Variants in ARID5B observed in about 807,000 individuals in gnomAD.
ARID5B encodes AT-rich interaction domain 5B, also known as AT-rich interactive domain-containing protein 5B.
ARID5B carries 13 observed loss-of-function variants against 97.2 expected under a neutral mutation model. That is an observed-to-expected ratio of 0.13 (90% CI 0.09 to 0.21). ARID5B has a LOEUF of 0.21. Ranked by LOEUF, ARID5B falls within the 10% of genes least tolerant of loss-of-function variation. The probability of loss-of-function intolerance (pLI) is 1.00; values close to 1 mark genes in which losing one functional copy is unlikely to be tolerated. For missense variants in ARID5B, 1,210 were observed against 1,465.3 expected (o/e 0.83, Z 2.84); for synonymous variants, 556 against 570.3 (o/e 0.97, Z 0.36).
At chr10:61,917,677 T>C (rs543298351) in intron 2 of ARID5B, among the ~76,000 whole-genome samples, 68 of 152,182 alleles carry the variant, frequency 4.5e-4, no homozygotes, top group Non-Finnish European at 4.9e-4. Flanking sequence ...CTATTACAGT[T>C]TTTAAAACTT....
At chr10:61,971,040 A>G (rs1838620132) in intron 3 of ARID5B, among the ~76,000 whole-genome samples, 1 of 151,980 alleles carries the variant, frequency 6.6e-6, no homozygotes, top group Non-Finnish European at 1.5e-5. Context: ...AAGAAAAGGG[A>G]AAAAGAGTAA....
chr10:61,952,385 C>T (rs577255635), intron 3 of ARID5B, among the ~76,000 whole-genome samples: 107 of 152,342 alleles, frequency 7.0e-4, no homozygotes, highest in Non-Finnish European at 1.4e-3. Flanking sequence ...CATTTAGTGT[C>T]TCTACCACCT....
chr10:62,047,931 T>TC (rs1839732429), intron 4 of ARID5B, among the ~76,000 whole-genome samples: 1 of 152,044 alleles, frequency 6.6e-6, no homozygotes, highest in Non-Finnish European at 1.5e-5. Flanking sequence ...TGTGTTCCAT[T>TC]CCCCCCACCC....
chr10:61,937,195 C>T (rs1844320648), intron 2 of ARID5B, among the ~76,000 whole-genome samples: 1 of 152,210 alleles, frequency 6.6e-6, no homozygotes, highest in South Asian at 2.1e-4. Flanking sequence ...GGGGATTTTA[C>T]ATCTTGTCTG....
At chr10:62,050,821 C>A (rs1839777845) in intron 4 of ARID5B, 67 bp from the exon 5 acceptor site, 2 of 1,329,686 alleles carry the variant, frequency 1.5e-6, no homozygotes, top group Non-Finnish European at 2.2e-6. Context: ...TAGTGAGATT[C>A]TGGGTCTTTA....
At chr10:61,902,846 G>T (rs1423955793) in intron 2 of ARID5B, among the ~76,000 whole-genome samples, 3 of 151,924 alleles carry the variant, frequency 2.0e-5, no homozygotes, top group Non-Finnish European at 2.9e-5. Context: ...TTTCGATATT[G>T]TTCTTTTTTC....
At chr10:62,022,065 T>C (rs67527161) in intron 4 of ARID5B, among the ~76,000 whole-genome samples, 29,977 of 151,538 alleles carry the variant, frequency 0.2, 3,094 homozygotes, top group Middle Eastern at 0.27. Context: ...ACTGTCCCCC[T>C]GTCCCATGTT....
intron 3 of ARID5B, among the ~76,000 whole-genome samples, chr10:61,980,105 A>C (rs1221860962): frequency 6.6e-6 from 1 of 152,126 alleles, no homozygotes; most frequent in Non-Finnish European, 1.5e-5. Context: ...AAAAAATAAA[A>C]CAGAAAAATA....
chr10:61,983,867 C>CTTTTTTTTTTTTT lies in ARID5B; in HGVS notation c.503-16205_503-16193dup, dbSNP rs1164342402. On this transcript the variant is annotated intron_variant, in intron 3 of 9. Transcript: ENST00000279873. ...TATATTTTTTAAACCCCCTTTTGTT[C>CTTTTTTTTTTTTT]TTTTTTTTTTTTTTTTTTTTTTTTT... Among the ~76,000 whole-genome samples, 47 of 27,590 alleles carry CTTTTTTTTTTTTT rather than the reference C, an allele frequency of 1.7e-3. 13 individuals carry two copies. The highest frequency in any genetic ancestry group is 5.9e-3 in the African/African-American group (37 of 6,322). 18.1% of individuals were successfully genotyped at this position (27,590 alleles called of 152,430 possible). A position where few individuals can be genotyped will look rare whatever the true frequency, so the allele number is the denominator to read the frequency against.
Position 62,027,285 on chromosome 10 carries a change from C to CTTTT in ARID5B, c.734-23565_734-23562dup, listed in dbSNP as rs777291593. 6.4e-4 allele frequency among the ~76,000 whole-genome samples: 43 copies of CTTTT among 67,408 alleles called. 4 individuals are homozygous for CTTTT. Among genetic ancestry groups the CTTTT allele is most frequent in the Non-Finnish European group, 9.6e-4 (35 of 36,558 alleles). 44.2% of individuals were successfully genotyped at this position (67,408 alleles called of 152,430 possible). On this transcript the variant is annotated intron_variant, in intron 4 of 9. Transcript: ENST00000279873. ...TGATGCATTAGCCTCACAGTATCTC[C>CTTTT]TTTTTTTTTTTTTTTTTTTTTTTTT...
chr10:61,986,050 C>T (rs1309156920), intron 3 of ARID5B, among the ~76,000 whole-genome samples: 2 of 152,052 alleles, frequency 1.3e-5, no homozygotes, highest in African/African-American at 4.8e-5. Flanking sequence ...AAGCCACCAG[C>T]CCACTGGAGG....
intron 4 of ARID5B, among the ~76,000 whole-genome samples, chr10:62,045,321 A>C (rs1353131296): frequency 1.3e-5 from 2 of 152,230 alleles, no homozygotes; most frequent in African/African-American, 4.8e-5. Context: ...TTGTAATGAA[A>C]GAGGAAGTTT....
chr10:61,993,009 T>C (rs187999434), intron 3 of ARID5B, among the ~76,000 whole-genome samples: 13 of 152,298 alleles, frequency 8.5e-5, no homozygotes, highest in Admixed American at 8.5e-4. Context: ...CCGGATGGAA[T>C]CTTGTTCTCT....
chr10:62,075,593 T>C (rs1456368498), intron 8 of ARID5B, among the ~76,000 whole-genome samples: 2 of 152,254 alleles, frequency 1.3e-5, no homozygotes, highest in African/African-American at 4.8e-5. Flanking sequence ...CTCCCTTTGC[T>C]CTGATCAGCG....
At chr10:62,075,097 A>G (rs1455007733) in intron 8 of ARID5B, among the ~76,000 whole-genome samples, 9 of 152,278 alleles carry the variant, frequency 5.9e-5, no homozygotes, top group African/African-American at 2.2e-4. Flanking sequence ...CCACAAACTC[A>G]GATATTTATG....
At chr10:62,016,312 A>G (rs113068464) in intron 4 of ARID5B, among the ~76,000 whole-genome samples, 5 of 152,252 alleles carry the variant, frequency 3.3e-5, no homozygotes, top group African/African-American at 1.2e-4. Flanking sequence ...AGAAAAATGT[A>G]TTGACCTCTG....
chr10:62,073,878 G>A (rs1244988824), intron 8 of ARID5B, among the ~76,000 whole-genome samples: 1 of 152,144 alleles, frequency 6.6e-6, no homozygotes, highest in African/African-American at 2.4e-5. Context: ...TTCTTTCTAA[G>A]TGGAACATTT....
intron 8 of ARID5B, among the ~76,000 whole-genome samples, chr10:62,078,597 C>T (rs1337976880): frequency 6.6e-6 from 1 of 152,154 alleles, no homozygotes; most frequent in Non-Finnish European, 1.5e-5. Flanking sequence ...TGCTGGCTGG[C>T]ATTGTAGAGG....
intron 2 of ARID5B, among the ~76,000 whole-genome samples, chr10:61,912,166 G>A (rs919878051): frequency 6.6e-6 from 1 of 152,132 alleles, no homozygotes. Context: ...ACAAAGGATC[G>A]CAGTATAACT....
Sources: gnomAD v4.1 joint callset for allele counts (sites outside exome capture counted in the v4.1 genomes callset) on GRCh38, gnomAD v4.1.1 for gene constraint, MANE v1.5 for transcripts, NCBI Gene and HGNC (gene_info 2026-07-23, HGNC 2026-07-21) for gene names.